FBXL17: variants seen among roughly 807,000 people sequenced by gnomAD.
FBXL17 encodes the protein F-box/LRR-repeat protein 17.
In FBXL17, 22 loss-of-function variants were observed where a neutral mutation model predicts 66.2. The observed-to-expected ratio is 0.33, with a 90% CI of 0.24 to 0.47. The LOEUF is 0.47. Ranked by LOEUF, FBXL17 falls within the 20% of genes least tolerant of loss-of-function variation. The pLI is 1.00. For missense variants in FBXL17, 878 were observed against 948.2 expected, an observed-to-expected ratio of 0.93 and a Z score of 0.97; for synonymous variants, 474 against 400.5, an observed-to-expected ratio of 1.18 and a Z score of -2.19.
At chr5:108,133,309 T>C (rs1751008014) in intron 6 of FBXL17, among the ~76,000 whole-genome samples, 2 of 152,092 alleles carry the variant, frequency 1.3e-5, no homozygotes, top group Admixed American at 6.6e-5. Flanking sequence ...GGTCTCCAAC[T>C]AGTACTATGC....
chr5:108,354,910 T>G (rs1046587761), intron 3 of FBXL17, among the ~76,000 whole-genome samples: 1 of 151,990 alleles, frequency 6.6e-6, no homozygotes, highest in African/African-American at 2.4e-5. Flanking sequence ...AACCTAGTAT[T>G]CTATAGCCTG....
chr5:108,076,985 T>A (rs552499856), intron 6 of FBXL17, among the ~76,000 whole-genome samples: 46 of 152,310 alleles, frequency 3.0e-4, no homozygotes, highest in African/African-American at 1.1e-3. Context: ...CTTGTCTATA[T>A]GGTTCTTTTA....
intron 4 of FBXL17, among the ~76,000 whole-genome samples, chr5:108,318,991 T>C (rs1759496255): frequency 6.6e-6 from 1 of 151,874 alleles, no homozygotes. Flanking sequence ...CATGACTGAC[T>C]ATGACTGAGT....
chr5:108,108,528 G>A (rs1019460380), intron 6 of FBXL17, among the ~76,000 whole-genome samples: 1 of 152,288 alleles, frequency 6.6e-6, no homozygotes, highest in African/African-American at 2.4e-5. Flanking sequence ...AAGTTGTTAT[G>A]TCTAAGAATA....
chr5:107,887,182 A>C (rs1308954745), intron 7 of FBXL17, among the ~76,000 whole-genome samples: 1 of 152,196 alleles, frequency 6.6e-6, no homozygotes, highest in Non-Finnish European at 1.5e-5. Context: ...TATTTTTGTA[A>C]CTTTTCTGTA....
intron 6 of FBXL17, among the ~76,000 whole-genome samples, chr5:108,025,552 A>G (rs1754767510): frequency 6.6e-6 from 1 of 152,096 alleles, no homozygotes; most frequent in Non-Finnish European, 1.5e-5. Context: ...ACAAATCATA[A>G]AAGTGATCTA....
chr5:108,381,364 C>T lies in FBXL17; in HGVS notation c.328G>A (p.Glu110Lys), dbSNP rs1187208655. The change falls in exon 1 of 9, where the codon GAG becomes AAG. Residue 110 changes from glutamate (E) to lysine (K), a missense_variant. Glu to Lys is a moderately conservative substitution (Grantham distance 56, BLOSUM62 1). This residue lies in a region of FBXL17 where 605 missense variants were observed against 509.5 expected (regional missense o/e 1.19). Transcript: ENST00000542267. ...CGGCGGGCAGCAGCGGCGCAGTCCT[C>T]GGCGGCCAGGGCCGCGTAGCGCCGC... ...LARRYAALAA[E>K]DCAAAARRFL... is the part of the protein sequence containing the mutation. 1.5e-6 allele frequency: 2 copies of T among 1,345,024 alleles called. No homozygotes were observed. Among genetic ancestry groups the T allele is most frequent in the Non-Finnish European group, 1.9e-6 (2 of 1,056,750 alleles). The allele number at this position is 1,345,024 out of a possible 1,614,324, so 83.3% of individuals were successfully genotyped here. A position where few individuals can be genotyped will look rare whatever the true frequency, so the allele number is the denominator to read the frequency against.
At chr5:108,086,637 C>A (rs1374771173) in intron 6 of FBXL17, among the ~76,000 whole-genome samples, 1 of 152,166 alleles carries the variant, frequency 6.6e-6, no homozygotes, top group Non-Finnish European at 1.5e-5. Context: ...CCGATCACTG[C>A]GACCTCCGCC....
chr5:108,354,672 C>G (rs1332809845), intron 3 of FBXL17, among the ~76,000 whole-genome samples: 1 of 140,562 alleles, frequency 7.1e-6, no homozygotes, highest in African/African-American at 2.7e-5. Flanking sequence ...AACAAACAAA[C>G]AAAGAAAAAA....
intron 4 of FBXL17, among the ~76,000 whole-genome samples, chr5:108,228,503 A>G (rs1247574629): frequency 6.6e-6 from 1 of 152,158 alleles, no homozygotes; most frequent in Non-Finnish European, 1.5e-5. Context: ...ATTCTATAAT[A>G]TGGAGAAAAT....
chr5:108,184,419 G>A (rs1449300478), intron 6 of FBXL17, among the ~76,000 whole-genome samples: 2 of 151,876 alleles, frequency 1.3e-5, no homozygotes, highest in African/African-American at 4.8e-5. Context: ...CCATTCTCCT[G>A]CCTCAGCCTC....
At chr5:108,376,814 G>A (rs1316043696) in intron 1 of FBXL17, among the ~76,000 whole-genome samples, 1 of 139,192 alleles carries the variant, frequency 7.2e-6, no homozygotes, top group East Asian at 2.1e-4. Context: ...TTGAGACAGA[G>A]TCTCACTCTG....
At position 107,990,456 on chromosome 5, in the gene FBXL17, G is replaced by A. The variant is rs188339985; in HGVS notation, c.1822+30469C>T. ...AATAATGATTAGAGCAAACTCTGGA[G>A]TTGGTCTCTGTCAATTTGAATTCTG... On this transcript the variant is annotated intron_variant, in intron 7 of 8. Transcript: ENST00000542267. Among the ~76,000 whole-genome samples the A allele has an allele frequency of 4.6e-5, 7 of 152,254 alleles. No individual in the cohort carries two copies. In the East Asian group the frequency reaches 1.4e-3, roughly 29 times the overall value.
At position 107,859,332 on chromosome 5, in the gene FBXL17, A is replaced by G. The variant is rs1488159735; in HGVS notation, c.*2388T>C. On this transcript the variant is annotated 3_prime_UTR_variant, in exon 9 of 9. Transcript: ENST00000542267. ...TTTAAGCCTCATTTCAAAGCATCTAATGAGAACACATTCAACAACCATCAC... is the reference window on the plus strand; with the variant it reads ...TTTAAGCCTCATTTCAAAGCATCTAGTGAGAACACATTCAACAACCATCAC... 2 of 151,216 alleles carry G rather than the reference A, an allele frequency of 1.3e-5. No homozygotes were observed. The highest frequency in any genetic ancestry group is 4.9e-5 in the African/African-American group (2 of 41,164). 9.4% of individuals were successfully genotyped at this position (151,216 alleles called of 1,614,324 possible).
At chr5:107,890,200 C>G (rs186925566) in intron 7 of FBXL17, among the ~76,000 whole-genome samples, 1 of 152,170 alleles carries the variant, frequency 6.6e-6, no homozygotes, top group African/African-American at 2.4e-5. Flanking sequence ...GATTTCCTCA[C>G]TTTATGAGAA....
At chr5:107,973,025 G>A (rs1752431264) in intron 7 of FBXL17, among the ~76,000 whole-genome samples, 1 of 152,262 alleles carries the variant, frequency 6.6e-6, no homozygotes, top group Non-Finnish European at 1.5e-5. Flanking sequence ...TTTGAAGAGG[G>A]CCTGGCACCC....
At chr5:107,938,859 A>G (rs564932479) in intron 7 of FBXL17, among the ~76,000 whole-genome samples, 1 of 152,160 alleles carries the variant, frequency 6.6e-6, no homozygotes, top group Non-Finnish European at 1.5e-5. Flanking sequence ...AAATATTTAT[A>G]ATAATTAAAT....
In FBXL17 at chr5:108,358,653, T is replaced by C. The variant is rs564262644; in HGVS notation, c.1374+6085A>G. On this transcript the variant is annotated intron_variant, in intron 3 of 8. Coordinates refer to ENST00000542267, the MANE Select transcript of FBXL17 (RefSeq NM_001163315.3). Reference sequence around the variant, plus strand: ...TCTGTAGCTGTTGTTTGTTTTGTAGTTTCATTTTTGTAGGGTCTTGGGCTG... The same window carrying C: ...TCTGTAGCTGTTGTTTGTTTTGTAGCTTCATTTTTGTAGGGTCTTGGGCTG... Among the ~76,000 whole-genome samples the C allele has an allele frequency of 3.3e-5, 5 of 152,240 alleles. No homozygotes were observed. The East Asian group carries it at 5.8e-4, about 18-fold the overall frequency.
rs539579779 is a variant in FBXL17 at position 108,077,684 on chromosome 5, A to T, written c.1746-56683T>A. On this transcript the variant is annotated intron_variant, in intron 6 of 8. Coordinates refer to ENST00000542267, the MANE Select transcript of FBXL17 (RefSeq NM_001163315.3). ...TCTCAAAAAAAAAAAAAAATGAAAA[A>T]AATGAAAATGATAGTATACCCATTT... is the stretch of plus-strand genomic sequence containing the variant. 1.2e-3 allele frequency among the ~76,000 whole-genome samples: 188 copies of T among 152,210 alleles called. 2 individuals are homozygous for T. The highest frequency in any genetic ancestry group is 4.0e-4 in the Non-Finnish European group (27 of 68,010).
Sources: allele counts gnomAD v4.1 joint callset (sites outside exome capture counted in the v4.1 genomes callset), GRCh38; gene constraint gnomAD v4.1.1; regional missense constraint gnomAD v4.1.1; transcripts MANE v1.5; gene names NCBI Gene and HGNC (gene_info 2026-07-23, HGNC 2026-07-21).